The following CHRNB4 variants were observed in gnomAD, a reference collection of about 807,000 sequenced individuals.
CHRNB4 encodes the protein neuronal acetylcholine receptor subunit beta-4.
Under a neutral mutation model 40.4 loss-of-function variants are expected in CHRNB4, and 23 were observed. That is an observed-to-expected ratio of 0.57 (90% CI 0.41 to 0.81). CHRNB4 has a LOEUF of 0.81. Ranked by LOEUF, CHRNB4 falls within the 30% of genes least tolerant of loss-of-function variation. The pLI, the probability that CHRNB4 is intolerant of heterozygous loss-of-function variation, is 0.00. For synonymous variants in CHRNB4, 285 were observed against 274.4 expected (o/e 1.04, Z -0.38); for missense variants, 568 against 670.6 (o/e 0.85, Z 1.69).
chr15:78,641,125 G>C lies in CHRNB4; in HGVS notation c.9C>G (p.Arg3=). 6.4e-7 allele frequency: 1 copy of C among 1,569,006 alleles called. No individual in the cohort carries two copies. Among genetic ancestry groups the C allele is most frequent in the Non-Finnish European group, 8.6e-7 (1 of 1,158,848 alleles). ...GGAAGAAAAGGACCAGGGAAGGCGC[G>C]CGCCTCATGGCCGGCGGGGCCGGGT... MR[R]APSLVLFFLV... Residue 3 remains arginine, a synonymous_variant, in exon 1 of 6, where the codon CGC becomes CGG. Coordinates refer to ENST00000261751, the MANE Select transcript of CHRNB4 (RefSeq NM_000750.5).
intron 7 of CHRNB4, among the ~76,000 whole-genome samples, chr15:78,647,822 T>C (rs1038044851): frequency 2.7e-4 from 33 of 121,886 alleles, no homozygotes; most frequent in African/African-American, 9.5e-4. Context: ...ATCACACCAC[T>C]GCACTCCAGC....
upstream of CHRNB4, among the ~76,000 whole-genome samples, chr15:78,642,298 A>C (rs2054086360): frequency 6.6e-6 from 1 of 152,242 alleles, no homozygotes; most frequent in Non-Finnish European, 1.5e-5. Flanking sequence ...CTCTTCTCCA[A>C]ACTGCAGCAG....
At chr15:78,661,028 G>T (rs539282429), upstream of CHRNB4, 7 of 553,148 alleles carry the variant, frequency 1.3e-5, no homozygotes, top group South Asian at 8.7e-5. Flanking sequence ...TAATAAGAGG[G>T]TAGGCGCCAG....
In CHRNB4 at chr15:78,625,144, G is replaced by A. The variant is rs200632712; in HGVS notation, c.1486C>T (p.Gln496Ter). The A allele has an allele frequency of 6.2e-7, 1 of 1,614,052 alleles. No homozygotes were observed. Among genetic ancestry groups the A allele is most frequent in the East Asian group, 2.2e-5 (1 of 44,884 alleles). ...HAASEGPYAA[Q>*]RD is the part of the protein sequence containing the mutation. The stretch of plus-strand genomic sequence containing the variant: ...AACCCAGGGGGCCCTCAGTCACGCT[G>A]GGCAGCGTAGGGCCCCTCAGAAGCT... The change falls in exon 6 of 6, where the codon CAG becomes TAG. Residue 496 changes from glutamine (Q) to a stop codon, truncating the protein, a stop_gained. Transcript: ENST00000261751. LOFTEE classifies it high-confidence loss of function.
chr15:78,633,311 T>C (rs1221851131), intron 2 of CHRNB4, among the ~76,000 whole-genome samples: 1 of 152,176 alleles, frequency 6.6e-6, no homozygotes, highest in East Asian at 1.9e-4. Context: ...AAGTAGAAAT[T>C]CATGTCCCTC....
chr15:78,642,824 A>C (rs541365474), upstream of CHRNB4, among the ~76,000 whole-genome samples: 1 of 152,372 alleles, frequency 6.6e-6, no homozygotes, highest in South Asian at 2.1e-4. Flanking sequence ...AAAACACATT[A>C]TAGAACAATC....
At position 78,635,454 on chromosome 15, in the gene CHRNB4, G is replaced by C; in HGVS notation, c.189C>G (p.Ala63=). 2 of 1,613,998 alleles carry C rather than the reference G, an allele frequency of 1.2e-6. No homozygotes were observed. The highest frequency in any genetic ancestry group is 1.7e-6 in the Non-Finnish European group (2 of 1,179,990). Residue 63 remains alanine, a synonymous_variant, in exon 2 of 6, where the codon GCC becomes GCG. Coordinates refer to ENST00000261751, the MANE Select transcript of CHRNB4 (RefSeq NM_000750.5). ...CTGCACCTACCACGCTGATAAGCTGGGCCAGGGAGAGCTGCAGCTTGATGG... is the reference window on the plus strand; with the variant it reads ...CTGCACCTACCACGCTGATAAGCTGCGCCAGGGAGAGCTGCAGCTTGATGG... ...LISIKLQLSL[A]QLISVNEREQ... is the part of the protein sequence containing the mutation.
In CHRNB4 at chr15:78,635,562, C is replaced by T. The variant is rs534430836; in HGVS notation, c.81G>A (p.Glu27=). ...GRGNCRVANA[E]EKLMDDLLNK... ...TCAGAAGGTCGTCCATCAGCTTTTC[C>T]TCCGCATTGGCCACGCGGCAGTTCC... The change falls in exon 2 of 6, where the codon GAG becomes GAA. Residue 27 remains glutamate (E), a synonymous_variant. Coordinates refer to ENST00000261751, the MANE Select transcript of CHRNB4 (RefSeq NM_000750.5). 1 of 1,614,188 alleles carries T rather than the reference C, an allele frequency of 6.2e-7. No individual in the cohort carries two copies. The highest frequency in any genetic ancestry group is 2.2e-5 in the East Asian group (1 of 44,878).
chr15:78,658,035 T>C (rs2054228471), intron 2 of CHRNB4, among the ~76,000 whole-genome samples: 1 of 139,360 alleles, frequency 7.2e-6, no homozygotes, highest in South Asian at 2.4e-4. Context: ...TCTCTTTTTT[T>C]TTTTTTTTTT....
chr15:78,647,519 T>G (rs1020847197), intron 7 of CHRNB4, among the ~76,000 whole-genome samples: 13 of 151,970 alleles, frequency 8.6e-5, no homozygotes, highest in African/African-American at 2.7e-4. Flanking sequence ...CTAGCATTCC[T>G]ATACATCAAT....
chr15:78,646,757 A>G (rs1243523056), intron 7 of CHRNB4, among the ~76,000 whole-genome samples: 2 of 152,234 alleles, frequency 1.3e-5, no homozygotes, highest in South Asian at 4.1e-4. Flanking sequence ...TCTTAACACC[A>G]TTATATTGGA....
In CHRNB4 at chr15:78,641,094, C is replaced by T. The variant is rs968694647; in HGVS notation, c.40G>A (p.Ala14Thr). 5 of 1,582,096 alleles carry T rather than the reference C, an allele frequency of 3.2e-6. No individual in the cohort carries two copies. Among genetic ancestry groups the T allele is most frequent in the Non-Finnish European group, 4.3e-6 (5 of 1,164,756 alleles). Residue 14 changes from alanine (A) to threonine (T), a missense_variant, in exon 1 of 6, where the codon GCC becomes ACC. Around this residue, in one of 4 missense-constraint regions of CHRNB4, gnomAD observed 161 missense variants for 148.1 expected, o/e 1.09. Coordinates refer to ENST00000261751, the MANE Select transcript of CHRNB4 (RefSeq NM_000750.5). ...APSLVLFFLV[A>T]LCGRGNCRVA... ...AAGAACTCACCGCGCCCGCAAAGGG[C>T]GACCAGGAAGAAAAGGACCAGGGAA...
At chr15:78,632,650 C>T (rs1319476984) in intron 2 of CHRNB4, among the ~76,000 whole-genome samples, 1 of 152,036 alleles carries the variant, frequency 6.6e-6, no homozygotes, top group Non-Finnish European at 1.5e-5. Context: ...CCCCTAAACA[C>T]CATCTATCTA....
chr15:78,643,003 A>T (rs2054094301), upstream of CHRNB4, among the ~76,000 whole-genome samples: 2 of 152,226 alleles, frequency 1.3e-5, no homozygotes, highest in African/African-American at 4.8e-5. Flanking sequence ...TAAAGGGGGA[A>T]AATAACCTTC....
At position 78,634,395 on chromosome 15, in the gene CHRNB4, A is replaced by G. The variant is rs111942564; in HGVS notation, c.204+1044T>C. ...ATAACACTCAGACACCAGCCTGAGC[A>G]AGCCTGGCTGAAAGCCCTCCTTCCT... On this transcript the variant is annotated intron_variant, in intron 2 of 5. Coordinates refer to ENST00000261751, the MANE Select transcript of CHRNB4 (RefSeq NM_000750.5). 3.8e-3 allele frequency among the ~76,000 whole-genome samples: 578 copies of G among 152,322 alleles called. 6 individuals carry two copies. Among genetic ancestry groups the G allele is most frequent in the African/African-American group, 0.013 (556 of 41,568 alleles).
rs2053930635 is a variant in CHRNB4 at position 78,635,556 on chromosome 15, C to G, written c.87G>C (p.Lys29Asn). The part of the protein sequence containing the change: ...GNCRVANAEE[K>N]LMDDLLNKTR... ...TTTTGTTCAGAAGGTCGTCCATCAG[C>G]TTTTCCTCCGCATTGGCCACGCGGC... The change falls in exon 2 of 6, where the codon AAG becomes AAC. Residue 29 changes from lysine (K) to asparagine (N), a missense_variant. This residue lies in a region of CHRNB4 where 161 missense variants were observed against 148.1 expected (regional missense o/e 1.09). Coordinates refer to ENST00000261751, the MANE Select transcript of CHRNB4 (RefSeq NM_000750.5). 6.2e-7 allele frequency: 1 copy of G among 1,614,176 alleles called. No homozygotes were observed. Among genetic ancestry groups the G allele is most frequent in the Non-Finnish European group, 8.5e-7 (1 of 1,180,022 alleles).
In CHRNB4 at chr15:78,631,131, T is replaced by C. The variant is rs1189441020; in HGVS notation, c.304A>G (p.Ile102Val). The part of the protein sequence containing the change: ...WNSSRYEGVN[I>V]LRIPAKRIWL... ...ATGCGCTTTGCAGGGATCCTCAGGA[T>C]GTTCACACCCTCGTAGCGGGAGCTG... is the stretch of plus-strand genomic sequence containing the variant. The change falls in exon 4 of 6, where the codon ATC becomes GTC. Residue 102 changes from isoleucine to valine, a missense_variant. By Grantham distance (29) the Ile-to-Val change is conservative (BLOSUM62 3). Transcript: ENST00000261751. The C allele has an allele frequency of 1.2e-6, 2 of 1,614,236 alleles. No homozygotes were observed. The highest frequency in any genetic ancestry group is 2.2e-5 in the South Asian group (2 of 91,082).
At chr15:78,643,921 G>A (rs752098823), upstream of CHRNB4, among the ~76,000 whole-genome samples, 68 of 151,622 alleles carry the variant, frequency 4.5e-4, no homozygotes, top group Non-Finnish European at 8.7e-4. Flanking sequence ...AGGCTGAGGC[G>A]GGCGGATCAC....
rs1410376948 is a variant in CHRNB4, at chr15:78,641,101, G to A, written c.33C>T (p.Phe11=). ...CACCGCGCCCGCAAAGGGCGACCAG[G>A]AAGAAAAGGACCAGGGAAGGCGCGC... The part of the protein sequence containing the change: MRRAPSLVLF[F]LVALCGRGNC... The change falls in exon 1 of 6, where the codon TTC becomes TTT. Residue 11 remains phenylalanine, a synonymous_variant. Coordinates refer to ENST00000261751, the MANE Select transcript of CHRNB4 (RefSeq NM_000750.5). The A allele has an allele frequency of 3.8e-6, 6 of 1,582,944 alleles. No homozygotes were observed. The highest frequency in any genetic ancestry group is 4.3e-6 in the Non-Finnish European group (5 of 1,165,338).
Sources: allele counts gnomAD v4.1 joint callset (sites outside exome capture counted in the v4.1 genomes callset), GRCh38; gene constraint gnomAD v4.1.1; regional missense constraint gnomAD v4.1.1; transcripts MANE v1.5; gene names NCBI Gene and HGNC (gene_info 2026-07-23, HGNC 2026-07-21).